Variants in SIPA1L1 observed in about 807,000 individuals in gnomAD.
The protein encoded by SIPA1L1 is signal induced proliferation associated 1 like 1, also known as signal-induced proliferation-associated 1-like protein 1.
Under a neutral mutation model 162.7 loss-of-function variants are expected in SIPA1L1, and 26 were observed. The ratio of observed to expected loss-of-function variants is 0.16; its 90% CI spans 0.12 to 0.22. The LOEUF is 0.22. Ranked by LOEUF, SIPA1L1 falls within the 10% of genes least tolerant of loss-of-function variation. The pLI, the probability that SIPA1L1 is intolerant of heterozygous loss-of-function variation, is 1.00. For missense variants in SIPA1L1, 1,874 were observed against 2,241.0 expected, an observed-to-expected ratio of 0.84 and a Z score of 3.31; for synonymous variants, 829 against 837.4, an observed-to-expected ratio of 0.99 and a Z score of 0.17.
intron 7 of SIPA1L1, among the ~76,000 whole-genome samples, chr14:71,644,155 A>G (rs1378804670): frequency 6.6e-6 from 1 of 152,000 alleles, no homozygotes; most frequent in East Asian, 1.9e-4. Context: ...ATCTGAAATC[A>G]TGAGTTAATC....
intron 2 of SIPA1L1, among the ~76,000 whole-genome samples, chr14:71,427,648 C>T (rs897964137): frequency 6.6e-6 from 1 of 152,110 alleles, no homozygotes; most frequent in Admixed American, 6.5e-5. Flanking sequence ...TTTCATTGTC[C>T]TCTCTTCAGG....
intron 4 of SIPA1L1, among the ~76,000 whole-genome samples, chr14:71,562,935 G>A (rs369391386): frequency 2.6e-5 from 4 of 152,132 alleles, no homozygotes; most frequent in African/African-American, 4.8e-5. Context: ...GATTACAGGC[G>A]TGGCCCCCTT....
chr14:71,384,889 T>C (rs1364743721), intron 2 of SIPA1L1, among the ~76,000 whole-genome samples: 5 of 152,194 alleles, frequency 3.3e-5, no homozygotes, highest in Admixed American at 6.5e-5. Context: ...ACTTGTGTTG[T>C]TTAATTCAGC....
chr14:71,648,648 G>T (rs1775840151), intron 7 of SIPA1L1, among the ~76,000 whole-genome samples: 1 of 152,200 alleles, frequency 6.6e-6, no homozygotes, highest in Non-Finnish European at 1.5e-5. Flanking sequence ...AATCAATTAT[G>T]CAGGGGAAAC....
chr14:71,547,903 C>T (rs1215043524), intron 4 of SIPA1L1, among the ~76,000 whole-genome samples: 4 of 152,126 alleles, frequency 2.6e-5, no homozygotes, highest in East Asian at 1.9e-4. Context: ...ACCAGCTGAG[C>T]GCGGGTGGCA....
chr14:71,542,496 TCTC>T (rs1169433391), intron 4 of SIPA1L1, among the ~76,000 whole-genome samples: 4 of 148,822 alleles, frequency 2.7e-5, no homozygotes, highest in African/African-American at 1.0e-4. Context: ...TTCTGCTTCT[TCTC>T]CTCGTCGTCC....
At chr14:71,542,617 C>T (rs2054549553) in intron 4 of SIPA1L1, among the ~76,000 whole-genome samples, 1 of 128,158 alleles carries the variant, frequency 7.8e-6, no homozygotes. Flanking sequence ...TCCCCCTCCC[C>T]CTCCTCCTCC....
chr14:71,372,920 A>G (rs1182733752), intron 2 of SIPA1L1, among the ~76,000 whole-genome samples: 1 of 152,142 alleles, frequency 6.6e-6, no homozygotes, highest in Non-Finnish European at 1.5e-5. Flanking sequence ...AACATTTTTC[A>G]TTTAATTGAA....
At chr14:71,480,803 A>G (rs1183775530) in intron 2 of SIPA1L1, among the ~76,000 whole-genome samples, 3 of 152,108 alleles carry the variant, frequency 2.0e-5, no homozygotes, top group African/African-American at 7.2e-5. Context: ...AGGTCATTTT[A>G]TCTTGGCTGA....
At chr14:71,542,335 C>T (rs1426056942) in intron 4 of SIPA1L1, among the ~76,000 whole-genome samples, 1 of 144,178 alleles carries the variant, frequency 6.9e-6, no homozygotes, top group Non-Finnish European at 1.5e-5. Flanking sequence ...CTTCCTCTTC[C>T]TCCTCCTCCT....
intron 2 of SIPA1L1, among the ~76,000 whole-genome samples, chr14:71,359,376 C>T (rs1191804081): frequency 1.3e-5 from 2 of 152,146 alleles, no homozygotes; most frequent in Non-Finnish European, 1.5e-5. Context: ...TACCCAGTCT[C>T]GGGTATGTCA....
chr14:71,366,489 T>G (rs897620479), intron 2 of SIPA1L1, among the ~76,000 whole-genome samples: 1 of 152,124 alleles, frequency 6.6e-6, no homozygotes, highest in Non-Finnish European at 1.5e-5. Context: ...CAGGCTGGAG[T>G]GCAGTGGCGT....
chr14:71,657,039 G>A (rs1251039192), intron 8 of SIPA1L1, among the ~76,000 whole-genome samples: 1 of 152,172 alleles, frequency 6.6e-6, no homozygotes, highest in Non-Finnish European at 1.5e-5. Context: ...ATGCCATCAA[G>A]TGTTTTGGTC....
At chr14:71,468,529 A>C (rs2047203529) in intron 2 of SIPA1L1, among the ~76,000 whole-genome samples, 1 of 151,790 alleles carries the variant, frequency 6.6e-6, no homozygotes, top group Admixed American at 6.6e-5. Context: ...AACAGATGAG[A>C]GCCTACTCAC....
intron 2 of SIPA1L1, among the ~76,000 whole-genome samples, chr14:71,452,360 T>C (rs1375062780): frequency 2.0e-5 from 3 of 152,210 alleles, no homozygotes; most frequent in Admixed American, 2.0e-4. Context: ...TTTTCGTATA[T>C]AGGAAGGATA....
intron 2 of SIPA1L1, among the ~76,000 whole-genome samples, chr14:71,366,212 T>C (rs1454782292): frequency 6.6e-6 from 1 of 152,142 alleles, no homozygotes; most frequent in Non-Finnish European, 1.5e-5. Context: ...GAGTTTGACT[T>C]ATCATGAAGT....
intron 2 of SIPA1L1, among the ~76,000 whole-genome samples, chr14:71,366,028 G>T (rs2038263650): frequency 1.3e-5 from 2 of 151,720 alleles, no homozygotes; most frequent in Non-Finnish European, 2.9e-5. Flanking sequence ...GCCTGGCCAA[G>T]GCTACTAAGT....
chr14:71,607,816 T>G (rs1328515165), intron 5 of SIPA1L1, among the ~76,000 whole-genome samples: 1 of 152,164 alleles, frequency 6.6e-6, no homozygotes, highest in African/African-American at 2.4e-5. Context: ...CATAAAAAGA[T>G]CAAAGTAACT....
intron 4 of SIPA1L1, among the ~76,000 whole-genome samples, chr14:71,582,110 G>GA (rs2034013426): frequency 6.6e-6 from 1 of 152,056 alleles, no homozygotes; most frequent in African/African-American, 2.4e-5. Context: ...ACTTTGGTAG[G>GA]ATCCCTTGAA....
Sources: gnomAD v4.1 joint callset for allele counts (sites outside exome capture counted in the v4.1 genomes callset) on GRCh38, gnomAD v4.1.1 for gene constraint, MANE v1.5 for transcripts, NCBI Gene and HGNC (gene_info 2026-07-23, HGNC 2026-07-21) for gene names.